Variants in CNTN5 observed in about 807,000 individuals in gnomAD.
CNTN5 encodes contactin 5, also known as contactin-5.
CNTN5 carries 77 observed loss-of-function variants against 129.1 expected under a neutral mutation model. The observed-to-expected ratio is 0.60, with a 90% CI of 0.50 to 0.72. The LOEUF (loss-of-function observed/expected upper bound fraction) is 0.72. Ranked by LOEUF, CNTN5 falls within the 30% of genes least tolerant of loss-of-function variation. The pLI is 0.00. For synonymous variants in CNTN5, 509 were observed against 465.6 expected (o/e 1.09, Z -1.20); for missense variants, 1,478 against 1,328.8 (o/e 1.11, Z -1.75).
intron 1 of CNTN5, among the ~76,000 whole-genome samples, chr11:99,124,883 C>A (rs1591234870): frequency 6.6e-6 from 1 of 151,952 alleles, no homozygotes; most frequent in African/African-American, 2.4e-5. Context: ...GAATAAATTC[C>A]TGGACACATA....
At chr11:99,430,734 TG>T (rs970885770) in intron 2 of CNTN5, among the ~76,000 whole-genome samples, 1 of 151,310 alleles carries the variant, frequency 6.6e-6, no homozygotes, top group South Asian at 2.1e-4. Flanking sequence ...AACAAAAGGT[TG>T]GGGGGGCGGG....
chr11:99,050,298 A>G (rs1864374699), intron 1 of CNTN5, among the ~76,000 whole-genome samples: 5 of 152,068 alleles, frequency 3.3e-5, no homozygotes. Flanking sequence ...GGCAAACTAA[A>G]GTGATTTGTG....
chr11:100,253,965 T>C (rs1291594954), intron 16 of CNTN5, among the ~76,000 whole-genome samples: 1 of 152,014 alleles, frequency 6.6e-6, no homozygotes, highest in African/African-American at 2.4e-5. Flanking sequence ...CTTGACTCCT[T>C]TTTTTTATTC....
At position 99,164,007 on chromosome 11, in the gene CNTN5, A is replaced by G. The variant is rs545752345; in HGVS notation, c.-210+142737A>G. Among the ~76,000 whole-genome samples, 107 of 152,296 alleles carry G rather than the reference A, an allele frequency of 7.0e-4. 1 individual carries two copies. The highest frequency in any genetic ancestry group is 2.5e-3 in the African/African-American group (102 of 41,566). On this transcript the variant is annotated intron_variant, in intron 1 of 24. Transcript: ENST00000524871. ...TCAGCTGACTTATCTGATTAATATG[A>G]TTGATATAAAATTATGTCAAAAAAA... is the stretch of plus-strand genomic sequence containing the variant.
chr11:99,366,709 A>G (rs1260800637), intron 2 of CNTN5, among the ~76,000 whole-genome samples: 4 of 152,248 alleles, frequency 2.6e-5, no homozygotes, highest in East Asian at 1.9e-4. Context: ...ATCTCTCTAC[A>G]TTGACAGAAA....
At chr11:99,340,537 T>C (rs561897974) in intron 2 of CNTN5, among the ~76,000 whole-genome samples, 1 of 152,296 alleles carries the variant, frequency 6.6e-6, no homozygotes, top group South Asian at 2.1e-4. Flanking sequence ...TGAAAAGCCA[T>C]GACAAAAGCT....
Position 100,077,139 on chromosome 11 carries a change from T to C in CNTN5, c.1580+2845T>C, listed in dbSNP as rs537793199. Among the ~76,000 whole-genome samples the C allele has an allele frequency of 1.5e-4, 23 of 152,316 alleles. No individual in the cohort carries two copies. In the South Asian group the frequency reaches 4.3e-3, roughly 29 times the overall value. On this transcript the variant is annotated intron_variant, in intron 13 of 24. Transcript: ENST00000524871. Reference sequence around the variant, plus strand: ...GAAATTTTAGATTGCTTTTCTGTTATAATGCACACCAACCATTTGATTACA... The same window carrying C: ...GAAATTTTAGATTGCTTTTCTGTTACAATGCACACCAACCATTTGATTACA...
intron 6 of CNTN5, among the ~76,000 whole-genome samples, chr11:99,866,388 T>C (rs1384946503): frequency 2.6e-5 from 4 of 152,212 alleles, no homozygotes; most frequent in Admixed American, 6.5e-5. Context: ...TACCTTGTGC[T>C]TGGAACATTA....
At chr11:100,030,700 C>G (rs1941663245) in intron 9 of CNTN5, among the ~76,000 whole-genome samples, 1 of 152,160 alleles carries the variant, frequency 6.6e-6, no homozygotes, top group Admixed American at 6.5e-5. Context: ...TTCTCTCTTT[C>G]TAGCTAGAAG....
At chr11:100,266,637 T>TTG (rs1169973864) in intron 17 of CNTN5, among the ~76,000 whole-genome samples, 1 of 151,376 alleles carries the variant, frequency 6.6e-6, no homozygotes, top group Non-Finnish European at 1.5e-5. Flanking sequence ...AATCTTTTTT[T>TTG]TTTTTTTTCA....
At chr11:100,135,376 C>T (rs2138227460) in intron 13 of CNTN5, among the ~76,000 whole-genome samples, 1 of 152,056 alleles carries the variant, frequency 6.6e-6, no homozygotes, top group Non-Finnish European at 1.5e-5. Flanking sequence ...GGGGTTTCAC[C>T]ATTTTAACCA....
At chr11:99,599,606 T>A (rs1315571274) in intron 3 of CNTN5, among the ~76,000 whole-genome samples, 1 of 152,154 alleles carries the variant, frequency 6.6e-6, no homozygotes, top group Non-Finnish European at 1.5e-5. Context: ...ATGTAAAACA[T>A]TTTATCACAT....
intron 18 of CNTN5, among the ~76,000 whole-genome samples, chr11:100,283,803 G>A (rs111615919): frequency 0.025 from 3,813 of 152,044 alleles, 175 homozygotes; most frequent in African/African-American, 0.084. Flanking sequence ...AAAATTAGCC[G>A]GGCGCGGTAG....
intron 6 of CNTN5, among the ~76,000 whole-genome samples, chr11:99,904,499 C>A (rs889031517): frequency 6.6e-6 from 1 of 152,088 alleles, no homozygotes; most frequent in African/African-American, 2.4e-5. Context: ...GCATAGTATT[C>A]CATGGGGTAT....
chr11:99,161,825 C>G (rs762170531), intron 1 of CNTN5, among the ~76,000 whole-genome samples: 1 of 152,130 alleles, frequency 6.6e-6, no homozygotes, highest in Non-Finnish European at 1.5e-5. Context: ...AAGAAACTTG[C>G]TAATATCATA....
chr11:99,442,159 A>T (rs1943857608), intron 2 of CNTN5, among the ~76,000 whole-genome samples: 2 of 152,048 alleles, frequency 1.3e-5, no homozygotes, highest in Admixed American at 6.6e-5. Context: ...TTAGCTACCC[A>T]TAGCTATGAG....
chr11:100,215,052 C>A (rs1276099131), intron 15 of CNTN5, among the ~76,000 whole-genome samples: 1 of 152,136 alleles, frequency 6.6e-6, no homozygotes, highest in Non-Finnish European at 1.5e-5. Context: ...AGTCTAGAAT[C>A]CCCAGTGTGA....
intron 18 of CNTN5, among the ~76,000 whole-genome samples, chr11:100,286,186 C>T (rs1279402032): frequency 6.6e-6 from 1 of 152,192 alleles, no homozygotes; most frequent in Non-Finnish European, 1.5e-5. Context: ...GGGAGGGGCG[C>T]CCGCCATTGC....
At chr11:100,330,504 A>G (rs1261994753) in intron 21 of CNTN5, among the ~76,000 whole-genome samples, 2 of 149,778 alleles carry the variant, frequency 1.3e-5, no homozygotes, top group South Asian at 2.1e-4. Context: ...TCACAAAAAG[A>G]TCATCACCTA....
Sources: allele counts gnomAD v4.1 joint callset (sites outside exome capture counted in the v4.1 genomes callset), GRCh38; gene constraint gnomAD v4.1.1; transcripts MANE v1.5; gene names NCBI Gene and HGNC (gene_info 2026-07-23, HGNC 2026-07-21).